The following SH3GL2 variants were observed in gnomAD, a reference collection of about 807,000 sequenced individuals.
SH3GL2 encodes SH3 domain containing GRB2 like 2, endophilin A1, also known as endophilin-A1.
Under a neutral mutation model 46.0 loss-of-function variants are expected in SH3GL2, and 24 were observed. That is an observed-to-expected ratio of 0.52 (90% CI 0.38 to 0.73). The LOEUF is 0.73. Among genes scored for constraint, SH3GL2 ranks in the 30% least tolerant of loss-of-function variants. The pLI, the probability that SH3GL2 is intolerant of heterozygous loss-of-function variation, is 0.00. For synonymous variants in SH3GL2, 196 were observed against 147.1 expected (o/e 1.33, Z -2.40); for missense variants, 413 against 424.2 (o/e 0.97, Z 0.23).
At chr9:17,631,721 T>C (rs184448334) in intron 1 of SH3GL2, among the ~76,000 whole-genome samples, 6 of 152,276 alleles carry the variant, frequency 3.9e-5, no homozygotes, top group African/African-American at 1.4e-4. Context: ...CCACATCCCA[T>C]CATCTTCTGC....
At chr9:17,793,559 A>G (rs1335138634) in intron 8 of SH3GL2, 62 bp downstream of exon 8, 1 of 1,534,080 alleles carries the variant, frequency 6.5e-7, no homozygotes, top group Non-Finnish European at 8.9e-7. Flanking sequence ...GCACTCTTCC[A>G]GAAATTTTAG....
intron 1 of SH3GL2, among the ~76,000 whole-genome samples, chr9:17,605,286 CT>C: frequency 6.6e-6 from 1 of 152,260 alleles, no homozygotes. Context: ...GCTACAGTTA[CT>C]TTTGTTTCCA....
chr9:17,742,725 G>A (rs1264799597), intron 1 of SH3GL2, among the ~76,000 whole-genome samples: 1 of 152,168 alleles, frequency 6.6e-6, no homozygotes, highest in African/African-American at 2.4e-5. Context: ...CAGAGTGTAT[G>A]GGAAGTATAA....
At chr9:17,589,909 A>G (rs1394169372) in intron 1 of SH3GL2, 1 of 152,130 alleles carries the variant, frequency 6.6e-6, no homozygotes, top group East Asian at 1.9e-4. Flanking sequence ...TTAGCCCTGA[A>G]TGGTTTTCTA....
chr9:17,588,697 G>A (rs528248944), intron 1 of SH3GL2, among the ~76,000 whole-genome samples: 16 of 152,308 alleles, frequency 1.1e-4, no homozygotes, highest in Admixed American at 7.2e-4. Flanking sequence ...TCTAGCCAAC[G>A]CCTTCATTTT....
intron 1 of SH3GL2, among the ~76,000 whole-genome samples, chr9:17,636,180 A>T (rs1410779435): frequency 6.6e-6 from 1 of 152,182 alleles, no homozygotes; most frequent in Non-Finnish European, 1.5e-5. Flanking sequence ...ACTTAAGAAG[A>T]AGTATCTAGC....
chr9:17,616,197 T>C (rs1818992587), intron 1 of SH3GL2, among the ~76,000 whole-genome samples: 1 of 152,128 alleles, frequency 6.6e-6, no homozygotes, highest in Non-Finnish European at 1.5e-5. Flanking sequence ...CTTATGTTTC[T>C]GGAAAAAAAG....
At chr9:17,611,748 G>C (rs1166340590) in intron 1 of SH3GL2, among the ~76,000 whole-genome samples, 1 of 152,188 alleles carries the variant, frequency 6.6e-6, no homozygotes, top group Non-Finnish European at 1.5e-5. Context: ...GCTACACCCC[G>C]TCAGGAGGAG....
chr9:17,744,369 ATT>A (rs10671259), intron 1 of SH3GL2, among the ~76,000 whole-genome samples: 4 of 144,454 alleles, frequency 2.8e-5, no homozygotes, highest in African/African-American at 2.5e-5. Flanking sequence ...GGCACTTGAA[ATT>A]TTTTTTTTTT....
chr9:17,673,929 A>G (rs1311115546), intron 1 of SH3GL2, among the ~76,000 whole-genome samples: 4 of 152,136 alleles, frequency 2.6e-5, no homozygotes, highest in Non-Finnish European at 5.9e-5. Context: ...TCCTGTGTCT[A>G]TCTCTATGAT....
At chr9:17,722,243 A>G (rs1821913401) in intron 1 of SH3GL2, among the ~76,000 whole-genome samples, 1 of 152,076 alleles carries the variant, frequency 6.6e-6, no homozygotes, top group Non-Finnish European at 1.5e-5. Flanking sequence ...GAAGGTAAAT[A>G]TGATTATGAA....
intron 1 of SH3GL2, among the ~76,000 whole-genome samples, chr9:17,724,766 G>T (rs1588275538): frequency 6.6e-6 from 1 of 152,080 alleles, no homozygotes; most frequent in Non-Finnish European, 1.5e-5. Flanking sequence ...ATTATTTGAA[G>T]AATATTTTTC....
intron 1 of SH3GL2, among the ~76,000 whole-genome samples, chr9:17,738,486 A>G (rs1018182564): frequency 5.7e-5 from 6 of 105,600 alleles, no homozygotes; most frequent in Non-Finnish European, 1.4e-4. Flanking sequence ...TTATGTATAC[A>G]CACACACATA....
At chr9:17,751,229 A>G (rs758442819) in intron 2 of SH3GL2, among the ~76,000 whole-genome samples, 9 of 152,188 alleles carry the variant, frequency 5.9e-5, no homozygotes, top group East Asian at 1.9e-4. Context: ...AAAGAATGCC[A>G]TTTCATATGA....
rs375121360 is a variant in SH3GL2 at position 17,681,723 on chromosome 9, A to G, written c.46-65343A>G. Among the ~76,000 whole-genome samples the G allele has an allele frequency of 2.8e-3, 422 of 152,352 alleles. 2 individuals are homozygous for G. The highest frequency in any genetic ancestry group is 7.8e-3 in the African/African-American group (324 of 41,580). On this transcript the variant is annotated intron_variant, in intron 1 of 8. Coordinates refer to ENST00000380607, the MANE Select transcript of SH3GL2 (RefSeq NM_003026.5). Reference sequence around the variant, plus strand: ...CAAATGGAGGATCTCATTAAACTAAAGAGCTCTTGCACAGCAAAAGAAACT... The same window carrying G: ...CAAATGGAGGATCTCATTAAACTAAGGAGCTCTTGCACAGCAAAAGAAACT...
At chr9:17,626,861 T>A (rs1819293128) in intron 1 of SH3GL2, among the ~76,000 whole-genome samples, 1 of 152,018 alleles carries the variant, frequency 6.6e-6, no homozygotes, top group African/African-American at 2.4e-5. Context: ...TGTGGAAGAG[T>A]CGAGGAAGAG....
intron 2 of SH3GL2, among the ~76,000 whole-genome samples, chr9:17,747,664 T>G (rs1822731537): frequency 6.6e-6 from 1 of 151,908 alleles, no homozygotes; most frequent in Non-Finnish European, 1.5e-5. Context: ...TTTTTAAAAT[T>G]TTATTATTAT....
In SH3GL2 at chr9:17,786,394, G is replaced by A. The variant is rs774104011; in HGVS notation, c.201G>A (p.Lys67=). The change falls in exon 4 of 9, where the codon AAG becomes AAA. Residue 67 remains lysine (K), a synonymous_variant. Transcript: ENST00000380607. The part of the protein sequence containing the change: ...YLQPNPASRA[K]LSMINTMSKI... Reference sequence around the variant, plus strand: ...CTTCACCTTCAGCTTCCAGAGCTAAGCTCAGCATGATCAACACCATGTCAA... The same window carrying A: ...CTTCACCTTCAGCTTCCAGAGCTAAACTCAGCATGATCAACACCATGTCAA... 1 of 1,612,054 alleles carries A rather than the reference G, an allele frequency of 6.2e-7. No homozygotes were observed. Among genetic ancestry groups the A allele is most frequent in the Non-Finnish European group, 8.5e-7 (1 of 1,179,296 alleles).
intron 3 of SH3GL2, among the ~76,000 whole-genome samples, chr9:17,766,943 A>T (rs184467703): frequency 1.2e-3 from 180 of 151,912 alleles, no homozygotes; most frequent in African/African-American, 3.7e-3. Flanking sequence ...TGGATTTTTT[A>T]AAAAAAATTC....
Sources: allele counts gnomAD v4.1 joint callset (sites outside exome capture counted in the v4.1 genomes callset), GRCh38; gene constraint gnomAD v4.1.1; transcripts MANE v1.5; gene names NCBI Gene and HGNC (gene_info 2026-07-23, HGNC 2026-07-21).